The following CCDC102B variants were observed in gnomAD, a reference collection of about 807,000 sequenced individuals.
CCDC102B encodes the protein coiled-coil domain containing 102B, also known as coiled-coil domain-containing protein 102B.
Under a neutral mutation model 57.4 loss-of-function variants are expected in CCDC102B, and 75 were observed. The ratio of observed to expected loss-of-function variants is 1.31; its 90% CI spans 1.08 to 1.58. The LOEUF (loss-of-function observed/expected upper bound fraction) is 1.58, where lower values mean the gene tolerates loss of function less well. CCDC102B is among the 40% of genes most tolerant of loss of function. CCDC102B has a pLI of 0.00. For missense variants in CCDC102B, 636 were observed against 582.6 expected (o/e 1.09, Z -0.94); for synonymous variants, 206 against 201.9 (o/e 1.02, Z -0.17).
At chr18:68,790,494 TAGGACC>T (rs2035410390) in intron 2 of CCDC102B, among the ~76,000 whole-genome samples, 3 of 151,980 alleles carry the variant, frequency 2.0e-5, no homozygotes, top group Non-Finnish European at 4.4e-5. Context: ...TCCGAGGGCG[TAGGACC>T]CTCCGAGCCA....
At chr18:68,839,467 G>C (rs1003381522) in intron 3 of CCDC102B, among the ~76,000 whole-genome samples, 1 of 152,200 alleles carries the variant, frequency 6.6e-6, no homozygotes, top group Non-Finnish European at 1.5e-5. Context: ...CTGTAGTGCT[G>C]TTATGTTCCA....
chr18:69,009,301 G>T (rs1212452154), intron 6 of CCDC102B, among the ~76,000 whole-genome samples: 1 of 151,930 alleles, frequency 6.6e-6, no homozygotes, highest in Admixed American at 6.5e-5. Flanking sequence ...ACAGATCTAG[G>T]CGTCCCTTAC....
At position 68,734,997 on chromosome 18, in the gene CCDC102B, G is replaced by GA. The variant is rs764972635; in HGVS notation, c.-67+18405dup. ...TTATACAGGACTTGTTTAGGGAGAA[G>GA]AATTTCTGAAACTATATATTGCTGA... On this transcript the variant is annotated intron_variant, in intron 2 of 3. Transcript: ENST00000578970. Among the ~76,000 whole-genome samples, 13 of 152,276 alleles carry GA rather than the reference G, an allele frequency of 8.5e-5. No individual in the cohort carries two copies. The East Asian group carries it at 2.3e-3, about 27-fold the overall frequency.
chr18:68,983,051 A>G (rs767611624), intron 6 of CCDC102B, among the ~76,000 whole-genome samples: 8 of 151,834 alleles, frequency 5.3e-5, no homozygotes, highest in Non-Finnish European at 1.0e-4. Context: ...TTAATTATCT[A>G]ATTATTTGTG....
At chr18:68,810,680 GTTTTTTTTTTTTTT>G (rs61714863) in intron 1 of CCDC102B, among the ~76,000 whole-genome samples, 1,161 of 77,076 alleles carry the variant, frequency 0.015, 35 homozygotes, top group African/African-American at 0.056. Flanking sequence ...TCTTTTCTTT[GTTTTTTTTTTTTTT>G]TTTTTTTTTT....
chr18:68,961,295 AT>A (rs1236460930), intron 6 of CCDC102B, among the ~76,000 whole-genome samples: 1 of 151,992 alleles, frequency 6.6e-6, no homozygotes, highest in Non-Finnish European at 1.5e-5. Context: ...ATGAAAAGTG[AT>A]TTTTTATACA....
chr18:68,873,721 C>G (rs2039323837), intron 4 of CCDC102B, among the ~76,000 whole-genome samples: 1 of 151,890 alleles, frequency 6.6e-6, no homozygotes, highest in Admixed American at 6.6e-5. Flanking sequence ...ATGAGTACTA[C>G]TTTTGTATTT....
chr18:68,924,529 C>A (rs1027109363), intron 6 of CCDC102B, among the ~76,000 whole-genome samples: 4 of 152,066 alleles, frequency 2.6e-5, no homozygotes, highest in Admixed American at 2.0e-4. Flanking sequence ...ATTACCCAGT[C>A]TCAGGCAGTT....
At chr18:68,780,251 T>C (rs2034962225) in intron 2 of CCDC102B, among the ~76,000 whole-genome samples, 1 of 152,180 alleles carries the variant, frequency 6.6e-6, no homozygotes, top group Non-Finnish European at 1.5e-5. Context: ...ATGATTTCTT[T>C]GTCCATTCCT....
chr18:68,842,883 A>G (rs2037699211), intron 3 of CCDC102B, among the ~76,000 whole-genome samples: 1 of 152,160 alleles, frequency 6.6e-6, no homozygotes, highest in African/African-American at 2.4e-5. Flanking sequence ...TTTGCTTGCC[A>G]GACACATATT....
chr18:69,022,069 G>A (rs1172292218), intron 7 of CCDC102B, among the ~76,000 whole-genome samples: 1 of 151,940 alleles, frequency 6.6e-6, no homozygotes, highest in Non-Finnish European at 1.5e-5. Context: ...AGTAGAAAAT[G>A]TCCTGAGTAA....
chr18:68,876,625 A>G (rs887934793), intron 5 of CCDC102B, among the ~76,000 whole-genome samples: 2 of 152,166 alleles, frequency 1.3e-5, no homozygotes, highest in South Asian at 2.1e-4. Flanking sequence ...GAGATTTTCA[A>G]TTACTGAGAA....
intron 2 of CCDC102B, among the ~76,000 whole-genome samples, chr18:68,787,780 CTCCTGGATTCA>C (rs2035267432): frequency 6.6e-6 from 1 of 151,786 alleles, no homozygotes; most frequent in South Asian, 2.1e-4. Flanking sequence ...AAAAAACCAG[CTCCTGGATTCA>C]TTAATTTTTT....
At chr18:68,944,689 G>A (rs573850551) in intron 6 of CCDC102B, among the ~76,000 whole-genome samples, 1 of 151,944 alleles carries the variant, frequency 6.6e-6, no homozygotes, top group African/African-American at 2.4e-5. Context: ...TCAAGTCATA[G>A]CAAATAATAA....
intron 7 of CCDC102B, among the ~76,000 whole-genome samples, chr18:69,049,226 T>G (rs1176039976): frequency 2.0e-5 from 3 of 152,042 alleles, no homozygotes; most frequent in Non-Finnish European, 4.4e-5. Flanking sequence ...CTGTGTGATG[T>G]TCCCCTCTCT....
At chr18:68,750,954 TA>T (rs922827521) in intron 2 of CCDC102B, among the ~76,000 whole-genome samples, 2 of 147,618 alleles carry the variant, frequency 1.4e-5, no homozygotes, top group African/African-American at 2.6e-5. Flanking sequence ...ATAATAATAA[TA>T]AAAAAAAACA....
chr18:68,833,230 G>C (rs2037220347), intron 1 of CCDC102B, among the ~76,000 whole-genome samples: 1 of 152,100 alleles, frequency 6.6e-6, no homozygotes, highest in East Asian at 1.9e-4. Flanking sequence ...GGATACATCA[G>C]AGCCTAAGCC....
chr18:68,767,705 G>T (rs940181456), intron 2 of CCDC102B, among the ~76,000 whole-genome samples: 1 of 152,060 alleles, frequency 6.6e-6, no homozygotes, highest in African/African-American at 2.4e-5. Flanking sequence ...ATTTTACAAA[G>T]AATAGTGTAA....
chr18:68,848,604 G>A (rs1482573832), intron 4 of CCDC102B, among the ~76,000 whole-genome samples: 1 of 151,980 alleles, frequency 6.6e-6, no homozygotes, highest in Non-Finnish European at 1.5e-5. Flanking sequence ...ATACAACCAA[G>A]ACAATGCATA....
Sources: allele counts gnomAD v4.1 joint callset (sites outside exome capture counted in the v4.1 genomes callset), GRCh38; gene constraint gnomAD v4.1.1; transcripts MANE v1.5; gene names NCBI Gene and HGNC (gene_info 2026-07-23, HGNC 2026-07-21).